Variants in NUSAP1 observed in about 807,000 individuals in gnomAD.
The protein encoded by NUSAP1 is nucleolar and spindle associated protein 1, also known as nucleolar and spindle-associated protein 1.
A neutral mutation model predicts 52.8 loss-of-function variants in NUSAP1; 32 were observed. The ratio of observed to expected loss-of-function variants is 0.61; its 90% CI spans 0.46 to 0.81. The LOEUF is 0.81. Among genes scored for constraint, NUSAP1 ranks in the 40% least tolerant of loss-of-function variants. The pLI is 0.00. For missense variants in NUSAP1, 499 were observed against 522.3 expected (o/e 0.96, Z 0.43); for synonymous variants, 195 against 183.1 (o/e 1.06, Z -0.52).
Position 41,375,769 on chromosome 15 carries a change from A to T in NUSAP1, c.1064A>T (p.Lys355Ile). ...ACGCAGACTCCAGTCTCCAATAAGA[A>T]ACCAGTGTTTGATCTTAAAGCAAGT... ...EATQTPVSNK[K>I]PVFDLKASLS... Residue 355 changes from lysine (K) to isoleucine (I), a missense_variant, in exon 9 of 11, where the codon AAA (lysine) becomes ATA (isoleucine). Physicochemically the swap from Lys to Ile is moderately radical, Grantham distance 102. Coordinates refer to ENST00000559596, the MANE Select transcript of NUSAP1 (RefSeq NM_016359.5). 1 of 1,614,004 alleles carries T rather than the reference A, an allele frequency of 6.2e-7. No homozygotes were observed. The highest frequency in any genetic ancestry group is 8.5e-7 in the Non-Finnish European group (1 of 1,179,858).
At chr15:41,344,783 A>G (rs1048247538) in intron 2 of NUSAP1, among the ~76,000 whole-genome samples, 1 of 152,112 alleles carries the variant, frequency 6.6e-6, no homozygotes, top group Non-Finnish European at 1.5e-5. Context: ...TCTACTAAAA[A>G]TACAAAAATT....
intron 1 of NUSAP1, among the ~76,000 whole-genome samples, chr15:41,335,195 T>C (rs2048072117): frequency 6.7e-6 from 1 of 149,920 alleles, no homozygotes; most frequent in South Asian, 2.1e-4. Context: ...AACACTACAA[T>C]TTAAATAAAT....
intron 1 of NUSAP1, among the ~76,000 whole-genome samples, chr15:41,337,731 G>C (rs2140511123): frequency 6.6e-6 from 1 of 151,942 alleles, no homozygotes; most frequent in Admixed American, 6.6e-5. Context: ...TCTGCTCCAG[G>C]CACTTTCTGT....
In NUSAP1 at chr15:41,380,417, G is replaced by C; in HGVS notation, c.*231G>C. 3.2e-6 allele frequency: 1 copy of C among 313,968 alleles called. No homozygotes were observed. The highest frequency in any genetic ancestry group is 5.9e-6 in the Non-Finnish European group (1 of 169,494). The allele number at this position is 313,968 out of a possible 1,614,324, so 19.4% of individuals were successfully genotyped here. A position where few individuals can be genotyped will look rare whatever the true frequency, so the allele number is the denominator to read the frequency against. On this transcript the variant is annotated 3_prime_UTR_variant, in exon 11 of 11. Coordinates refer to ENST00000559596, the MANE Select transcript of NUSAP1 (RefSeq NM_016359.5). ...TTTACTTAAGTCCATTAACAATTCA[G>C]GTTTCTAACGAGACCCATCCTAAAA...
intron 1 of NUSAP1, among the ~76,000 whole-genome samples, chr15:41,337,931 CTTTTTTTTTTT>C (rs757341496): frequency 1.3e-4 from 14 of 110,938 alleles, no homozygotes; most frequent in African/African-American, 4.4e-4. Flanking sequence ...TTTCTTTTTT[CTTTTTTTTTTT>C]TTTTTTTTGA....
At chr15:41,367,393 C>A (rs1412150492) in intron 7 of NUSAP1, among the ~76,000 whole-genome samples, 1 of 152,122 alleles carries the variant, frequency 6.6e-6, no homozygotes, top group Non-Finnish European at 1.5e-5. Flanking sequence ...GCCTAGGCTC[C>A]AAGCAACTGG....
chr15:41,356,415 C>T (rs978957451), intron 5 of NUSAP1, among the ~76,000 whole-genome samples: 1 of 139,810 alleles, frequency 7.2e-6, no homozygotes, highest in Non-Finnish European at 1.5e-5. Flanking sequence ...AGTGCAGTAG[C>T]GTGAGCTTGG....
At chr15:41,356,209 A>G in intron 5 of NUSAP1, 69 bp downstream of exon 5, 2 of 871,012 alleles carry the variant, frequency 2.3e-6, no homozygotes, top group Admixed American at 4.2e-5. Flanking sequence ...GGACTGTAAC[A>G]GCTGAAAGCA....
chr15:41,366,291 C>CTTT (rs1200034822), intron 7 of NUSAP1, among the ~76,000 whole-genome samples: 2 of 139,786 alleles, frequency 1.4e-5, no homozygotes, highest in African/African-American at 2.7e-5. Flanking sequence ...TTTCTTTTTT[C>CTTT]TTTTTTTTTT....
intron 3 of NUSAP1, 50 bp downstream of exon 3, chr15:41,349,291 C>T: frequency 2.6e-6 from 4 of 1,558,332 alleles, no homozygotes; most frequent in Non-Finnish European, 3.5e-6. Flanking sequence ...CCAAAATTGG[C>T]ATACTTTTAT....
At position 41,355,194 on chromosome 15, in the gene NUSAP1, GAC is replaced by G. The variant is rs1475552343; in HGVS notation, c.449-843_449-842del. Among the ~76,000 whole-genome samples the G allele has an allele frequency of 2.0e-5, 3 of 150,446 alleles. No homozygotes were observed. In the Admixed American group the frequency reaches 2.0e-4, roughly 10 times the overall value. ...TTATGTATTTATTTATTTTTTTTGA[GAC>G]AGAGTCTCGCTTTGTTGCCAGGCTG... On this transcript the variant is annotated intron_variant, in intron 4 of 10. Transcript: ENST00000559596.
At chr15:41,339,228 C>G (rs2048284199) in intron 1 of NUSAP1, among the ~76,000 whole-genome samples, 1 of 152,032 alleles carries the variant, frequency 6.6e-6, no homozygotes, top group African/African-American at 2.4e-5. Flanking sequence ...GTGGGGAAAT[C>G]TCTTATTTTT....
At chr15:41,374,067 C>G in intron 8 of NUSAP1, among the ~76,000 whole-genome samples, 1 of 152,154 alleles carries the variant, frequency 6.6e-6, no homozygotes, top group East Asian at 1.9e-4. Context: ...TACAAAGCTG[C>G]TTAGCAAAGG....
At position 41,381,014 on chromosome 15, in the gene NUSAP1, G is replaced by A. The variant is rs1193275892; in HGVS notation, c.*828G>A. The A allele has an allele frequency of 1.3e-5, 2 of 152,178 alleles. No individual in the cohort carries two copies. The highest frequency in any genetic ancestry group is 2.9e-5 in the Non-Finnish European group (2 of 68,038). The allele number at this position is 152,178 out of a possible 1,614,324, so 9.4% of individuals were successfully genotyped here. A position where few individuals can be genotyped will look rare whatever the true frequency, so the allele number is the denominator to read the frequency against. ...AGCTTCTGAGTTTTATACTGCTCAA[G>A]ATCGTCATAAATAAAATTTTTTCTC... On this transcript the variant is annotated 3_prime_UTR_variant, in exon 11 of 11. Transcript: ENST00000559596.
chr15:41,356,294 CAAT>C (rs1446977207), intron 5 of NUSAP1, among the ~76,000 whole-genome samples, 154 bp downstream of exon 5: 1 of 151,184 alleles, frequency 6.6e-6, no homozygotes, highest in Non-Finnish European at 1.5e-5. Context: ...TACTCATCCT[CAAT>C]AAACTCACTT....
intron 4 of NUSAP1, among the ~76,000 whole-genome samples, chr15:41,352,436 T>C (rs1406573020): frequency 6.6e-6 from 1 of 152,106 alleles, no homozygotes; most frequent in East Asian, 1.9e-4. Flanking sequence ...CAGTTAAATC[T>C]GGAATTTCTA....
chr15:41,350,988 C>A lies in NUSAP1; in HGVS notation c.307C>A (p.Gln103Lys). ...KTVRVDPDSQ[Q>K]NHSEIKISNP... ...TTTTATTTCCTTTTTAAATTTGTAG[C>A]AGAATCATTCAGAGATAAAAATAAG... The change falls in exon 4 of 11, where the codon CAG becomes AAG. Residue 103 changes from glutamine to lysine, a missense_variant and splice_region_variant. By Grantham distance (53) the Gln-to-Lys change is moderately conservative. Transcript: ENST00000559596. 2 of 1,594,818 alleles carry A rather than the reference C, an allele frequency of 1.3e-6. No homozygotes were observed. Among genetic ancestry groups the A allele is most frequent in the Non-Finnish European group, 1.7e-6 (2 of 1,171,936 alleles).
intron 6 of NUSAP1, among the ~76,000 whole-genome samples, chr15:41,360,818 T>C (rs1595572686): frequency 7.0e-6 from 1 of 143,594 alleles, no homozygotes; most frequent in East Asian, 2.0e-4. Context: ...TTTTTTGCGA[T>C]GAGTCTCACT....
At chr15:41,341,360 A>C in intron 1 of NUSAP1, among the ~76,000 whole-genome samples, 1 of 152,068 alleles carries the variant, frequency 6.6e-6, no homozygotes, top group East Asian at 1.9e-4. Flanking sequence ...CACCCCGCTC[A>C]ACCAAACTTG....
Sources: gnomAD v4.1 joint callset for allele counts (sites outside exome capture counted in the v4.1 genomes callset) on GRCh38, gnomAD v4.1.1 for gene constraint, MANE v1.5 for transcripts, NCBI Gene and HGNC (gene_info 2026-07-23, HGNC 2026-07-21) for gene names.